CFAP107: variants seen among roughly 807,000 people sequenced by gnomAD.
The protein encoded by CFAP107 is cilia and flagella associated protein 107, also known as cilia- and flagella-associated protein 107.
the CFAP107 span, chr1:12,763,591 T>G: frequency 6.6e-6 from 1 of 152,146 alleles, no homozygotes; most frequent in Non-Finnish European, 1.5e-5. Flanking sequence ...CATGCATTGG[T>G]CTCCTATTGC....
At chr1:12,757,811 CCTT>C in the CFAP107 span, among the ~76,000 whole-genome samples, 4 of 152,118 alleles carry the variant, frequency 2.6e-5, no homozygotes, top group African/African-American at 9.7e-5. Context: ...ATGTTGCCCT[CCTT>C]CTCCTAGGAC....
the CFAP107 span, among the ~76,000 whole-genome samples, chr1:12,759,909 A>C: frequency 6.6e-6 from 1 of 152,300 alleles, no homozygotes. Context: ...ACACCATTAA[A>C]AAGTAAGAAC....
chr1:12,752,015 G>C, the CFAP107 span, among the ~76,000 whole-genome samples: 3 of 152,108 alleles, frequency 2.0e-5, no homozygotes, highest in Non-Finnish European at 4.4e-5. Flanking sequence ...CTTCAGTGGT[G>C]AATTCTAACA....
At chr1:12,759,108 A>G in the CFAP107 span, among the ~76,000 whole-genome samples, 2 of 152,174 alleles carry the variant, frequency 1.3e-5, no homozygotes, top group Non-Finnish European at 2.9e-5. Context: ...AACTAACTGC[A>G]GCCAGCTGGG....
chr1:12,746,476 T>C, the CFAP107 span: 1 of 1,613,834 alleles, frequency 6.2e-7, no homozygotes, highest in Non-Finnish European at 8.5e-7. Context: ...TACTCCGAGC[T>C]GGCAGATTGA....
the CFAP107 span, chr1:12,755,725 C>A: frequency 2.5e-6 from 4 of 1,613,440 alleles, no homozygotes; most frequent in Admixed American, 6.7e-5. Flanking sequence ...GACAAGACAC[C>A]CCAATCCATT....
At chr1:12,757,668 G>A in the CFAP107 span, among the ~76,000 whole-genome samples, 2 of 152,096 alleles carry the variant, frequency 1.3e-5, no homozygotes, top group Non-Finnish European at 2.9e-5. Context: ...TTACAGGCGT[G>A]AGCCACGGCA....
At chr1:12,747,151 T>C in the CFAP107 span, among the ~76,000 whole-genome samples, 1 of 151,962 alleles carries the variant, frequency 6.6e-6, no homozygotes, top group Non-Finnish European at 1.5e-5. Flanking sequence ...CACTGCAACC[T>C]TCACCTCCCA....
chr1:12,753,994 A>G, the CFAP107 span: 11 of 152,222 alleles, frequency 7.2e-5, no homozygotes, highest in Non-Finnish European at 1.5e-4. Flanking sequence ...TGACACCAAA[A>G]GCACAGGCAA....
At chr1:12,762,326 T>G in the CFAP107 span, 1 of 149,430 alleles carries the variant, frequency 6.7e-6, no homozygotes, top group African/African-American at 2.5e-5. Context: ...ATGAGTTGAA[T>G]GAATGAATGA....
the CFAP107 span, among the ~76,000 whole-genome samples, chr1:12,756,108 A>G: frequency 6.6e-6 from 1 of 152,260 alleles, no homozygotes; most frequent in Non-Finnish European, 1.5e-5. Context: ...CCAAAGGTAA[A>G]TGATGCATAT....
chr1:12,756,842 G>A, the CFAP107 span, among the ~76,000 whole-genome samples: 1 of 152,220 alleles, frequency 6.6e-6, no homozygotes, highest in African/African-American at 2.4e-5. Context: ...GATGAAGCAA[G>A]TTGCTGCTCT....
At chr1:12,755,886 T>C in the CFAP107 span, 3 of 1,023,182 alleles carry the variant, frequency 2.9e-6, no homozygotes, top group East Asian at 7.2e-5. Context: ...AGCCAGCTTC[T>C]TATAGGCTTA....
chr1:12,746,509 C>T, the CFAP107 span: 2 of 1,613,368 alleles, frequency 1.2e-6, no homozygotes, highest in African/African-American at 1.3e-5. Context: ...AACGAAAGTG[C>T]TCACTGGAAA....
chr1:12,752,150 CAAGAA>C, the CFAP107 span, among the ~76,000 whole-genome samples: 2 of 152,088 alleles, frequency 1.3e-5, no homozygotes. Flanking sequence ...GAAGACATCA[CAAGAA>C]AAGAAAACTA....
At chr1:12,759,204 T>G in the CFAP107 span, 1 of 1,319,516 alleles carries the variant, frequency 7.6e-7, no homozygotes, top group South Asian at 1.3e-5. Context: ...GCCCGCTCTC[T>G]CCATCAGCAC....
chr1:12,755,398 C>T, the CFAP107 span, among the ~76,000 whole-genome samples: 1 of 135,516 alleles, frequency 7.4e-6, no homozygotes, highest in Non-Finnish European at 1.6e-5. Flanking sequence ...AGTGAGACTC[C>T]ATGTCCAAAA....
the CFAP107 span, among the ~76,000 whole-genome samples, chr1:12,753,083 A>G: frequency 1.5e-3 from 234 of 152,332 alleles, 1 homozygote; most frequent in African/African-American, 5.1e-3. Context: ...CTAACAGTGA[A>G]CTCTGAAAAG....
At chr1:12,763,522 C>T in the CFAP107 span, 9 of 152,126 alleles carry the variant, frequency 5.9e-5, no homozygotes, top group African/African-American at 1.7e-4. Flanking sequence ...GGGGGCAACA[C>T]GTTTGAAGTC....
Sources: gnomAD v4.1 joint callset for allele counts (sites outside exome capture counted in the v4.1 genomes callset) on GRCh38, gnomAD v4.1.1 for gene constraint, MANE v1.5 for transcripts, NCBI Gene and HGNC (gene_info 2026-07-23, HGNC 2026-07-21) for gene names.